The following DYNC1I1 variants were observed in gnomAD, a reference collection of about 807,000 sequenced individuals.
The protein encoded by DYNC1I1 is dynein cytoplasmic 1 intermediate chain 1.
In DYNC1I1, 43 loss-of-function variants were observed where a neutral mutation model predicts 86.6. The ratio of observed to expected loss-of-function variants is 0.50; its 90% CI spans 0.39 to 0.64. The LOEUF is 0.64. DYNC1I1 is among the 30% of genes least tolerant of loss of function. DYNC1I1 has a pLI of 0.00. For synonymous variants in DYNC1I1, 262 were observed against 283.7 expected (o/e 0.92, Z 0.77); for missense variants, 604 against 788.8 (o/e 0.77, Z 2.81).
At chr7:96,109,158 C>G (rs1210650645) in intron 16 of DYNC1I1, among the ~76,000 whole-genome samples, 1 of 151,542 alleles carries the variant, frequency 6.6e-6, no homozygotes, top group Non-Finnish European at 1.5e-5. Context: ...TTGATCTTTT[C>G]AAAGAATTGG....
rs77953292 is a variant in DYNC1I1 at position 96,047,413 on chromosome 7, A to G, written c.1509+7992A>G. Among the ~76,000 whole-genome samples the G allele has an allele frequency of 4.3e-4, 65 of 152,324 alleles. 1 individual carries two copies. In the East Asian group the frequency reaches 9.8e-3, roughly 23 times the overall value. ...AGAACATGAATTGAAGAGGCTATGAATGCAATCTTGGACCTGCTGATGCTG... is the reference window on the plus strand; with the variant it reads ...AGAACATGAATTGAAGAGGCTATGAGTGCAATCTTGGACCTGCTGATGCTG... On this transcript the variant is annotated intron_variant, in intron 14 of 16. Coordinates refer to ENST00000447467, the MANE Select transcript of DYNC1I1 (RefSeq NM_001135556.2).
intron 3 of DYNC1I1, among the ~76,000 whole-genome samples, chr7:95,811,480 T>C (rs1469193614): frequency 2.0e-5 from 3 of 152,056 alleles, no homozygotes; most frequent in Non-Finnish European, 4.4e-5. Flanking sequence ...TTATCCCATG[T>C]AGAACAAAAT....
chr7:95,783,074 C>T (rs1317427193), intron 1 of DYNC1I1, among the ~76,000 whole-genome samples: 1 of 152,116 alleles, frequency 6.6e-6, no homozygotes, highest in African/African-American at 2.4e-5. Context: ...AACAGAAATG[C>T]CTGTTCCCAT....
At chr7:95,790,656 G>A (rs965289945) in intron 1 of DYNC1I1, among the ~76,000 whole-genome samples, 3 of 152,170 alleles carry the variant, frequency 2.0e-5, no homozygotes, top group Admixed American at 1.3e-4. Flanking sequence ...CATAAAGTGG[G>A]TGACTATGGC....
At chr7:95,925,623 TG>T (rs1302036455) in intron 6 of DYNC1I1, among the ~76,000 whole-genome samples, 1 of 152,176 alleles carries the variant, frequency 6.6e-6, no homozygotes, top group East Asian at 1.9e-4. Context: ...ACATTTCTAT[TG>T]ATTTTTAACA....
At chr7:96,061,737 CACACAA>C (rs1485368027) in intron 14 of DYNC1I1, among the ~76,000 whole-genome samples, 2 of 149,792 alleles carry the variant, frequency 1.3e-5, no homozygotes, top group African/African-American at 5.0e-5. Flanking sequence ...CACACACACG[CACACAA>C]ACACACACAC....
chr7:96,024,699 G>T (rs1180537571), intron 10 of DYNC1I1, among the ~76,000 whole-genome samples: 1 of 151,976 alleles, frequency 6.6e-6, no homozygotes, highest in Non-Finnish European at 1.5e-5. Flanking sequence ...AATTTTTTTA[G>T]ATTTTATCTC....
At chr7:95,776,085 C>T (rs1012033196) in intron 1 of DYNC1I1, among the ~76,000 whole-genome samples, 1 of 152,014 alleles carries the variant, frequency 6.6e-6, no homozygotes, top group Non-Finnish European at 1.5e-5. Flanking sequence ...CCAGGCTACT[C>T]GGGAGGCTGA....
intron 1 of DYNC1I1, among the ~76,000 whole-genome samples, chr7:95,785,498 A>G (rs1794106427): frequency 6.6e-6 from 1 of 151,984 alleles, no homozygotes; most frequent in African/African-American, 2.4e-5. Flanking sequence ...TTAATGGCTC[A>G]TTCTTTCACC....
intron 5 of DYNC1I1, among the ~76,000 whole-genome samples, chr7:95,866,556 T>C (rs955757600): frequency 2.6e-4 from 40 of 152,284 alleles, no homozygotes; most frequent in African/African-American, 8.9e-4. Context: ...ATCTGTAAAA[T>C]TGGAATATGA....
chr7:95,796,802 C>A (rs1305978363), intron 1 of DYNC1I1, among the ~76,000 whole-genome samples: 1 of 151,836 alleles, frequency 6.6e-6, no homozygotes, highest in Non-Finnish European at 1.5e-5. Context: ...AGCTGGGGAA[C>A]CCCTAGGGGT....
At chr7:95,968,611 G>C (rs889114656) in intron 6 of DYNC1I1, among the ~76,000 whole-genome samples, 9 of 152,140 alleles carry the variant, frequency 5.9e-5, no homozygotes, top group Admixed American at 3.3e-4. Flanking sequence ...CTGTGACTCT[G>C]ATTTTCTTTT....
At chr7:95,893,155 C>T (rs1790788535) in intron 6 of DYNC1I1, among the ~76,000 whole-genome samples, 1 of 152,166 alleles carries the variant, frequency 6.6e-6, no homozygotes, top group African/African-American at 2.4e-5. Flanking sequence ...TCTCCCACAA[C>T]AGGCTGATTT....
At chr7:95,951,429 G>A (rs184688133) in intron 6 of DYNC1I1, among the ~76,000 whole-genome samples, 13 of 152,208 alleles carry the variant, frequency 8.5e-5, no homozygotes, top group African/African-American at 2.9e-4. Flanking sequence ...CTAATTTGGG[G>A]TAGTTTTCTC....
rs190827994 is a variant in DYNC1I1 at position 95,933,945 on chromosome 7, A to G, written c.491-43567A>G. On this transcript the variant is annotated intron_variant, in intron 6 of 16. Coordinates refer to ENST00000447467, the MANE Select transcript of DYNC1I1 (RefSeq NM_001135556.2). ...TCATAAATTCAGTCTGGGATCACCC[A>G]TTGGTGCCAATGAAAGATTAGCCTA... 5.1e-3 allele frequency among the ~76,000 whole-genome samples: 778 copies of G among 152,284 alleles called. 6 individuals are homozygous for G. The highest frequency in any genetic ancestry group is 8.5e-3 in the Non-Finnish European group (579 of 68,010).
At chr7:96,043,495 A>T (rs1789118266) in intron 14 of DYNC1I1, among the ~76,000 whole-genome samples, 1 of 151,948 alleles carries the variant, frequency 6.6e-6, no homozygotes, top group Non-Finnish European at 1.5e-5. Context: ...AACAAAACCA[A>T]AAATTTTTCC....
intron 5 of DYNC1I1, among the ~76,000 whole-genome samples, chr7:95,833,309 G>A (rs1373551814): frequency 1.4e-5 from 2 of 147,298 alleles, no homozygotes; most frequent in South Asian, 2.2e-4. Context: ...TGAGGGCTCT[G>A]TTCTGTTCCA....
rs552375608 is a variant in DYNC1I1 at position 95,835,680 on chromosome 7, G to A, written c.374+7564G>A. Among the ~76,000 whole-genome samples the A allele has an allele frequency of 3.3e-5, 5 of 152,200 alleles. No homozygotes were observed. In the East Asian group the frequency reaches 7.7e-4, roughly 24 times the overall value. ...CCTGTATTGGGTGCATATATGTTTA[G>A]GATAGTTAGCTCTTCTTGTTGAATT... On this transcript the variant is annotated intron_variant, in intron 5 of 16. Coordinates refer to ENST00000447467, the MANE Select transcript of DYNC1I1 (RefSeq NM_001135556.2).
At chr7:95,976,968 G>A (rs1316305525) in intron 6 of DYNC1I1, among the ~76,000 whole-genome samples, 2 of 152,176 alleles carry the variant, frequency 1.3e-5, no homozygotes, top group African/African-American at 2.4e-5. Flanking sequence ...ACCATTTTGA[G>A]TTGTTTTCTC....
Sources: allele counts gnomAD v4.1 joint callset (sites outside exome capture counted in the v4.1 genomes callset), GRCh38; gene constraint gnomAD v4.1.1; transcripts MANE v1.5; gene names NCBI Gene and HGNC (gene_info 2026-07-23, HGNC 2026-07-21).